MYH14: variants seen among roughly 807,000 people sequenced by gnomAD.
The protein encoded by MYH14 is myosin-14.
Under a neutral mutation model 255.5 loss-of-function variants are expected in MYH14, and 123 were observed. That is an observed-to-expected ratio of 0.48 (90% CI 0.42 to 0.56). The LOEUF (loss-of-function observed/expected upper bound fraction) is 0.56, where lower values mean the gene tolerates loss of function less well. Ranked by LOEUF, MYH14 falls within the 20% of genes least tolerant of loss-of-function variation. The probability of loss-of-function intolerance (pLI) is 0.00; values close to 1 mark genes in which losing one functional copy is unlikely to be tolerated. For synonymous variants in MYH14, 1,095 were observed against 1,161.2 expected, an observed-to-expected ratio of 0.94 and a Z score of 1.16; for missense variants, 2,423 against 2,802.3, an observed-to-expected ratio of 0.86 and a Z score of 3.06.
At chr19:50,207,943 T>C (rs1380209924) in intron 1 of MYH14, among the ~76,000 whole-genome samples, 1 of 152,212 alleles carries the variant, frequency 6.6e-6, no homozygotes, top group Non-Finnish European at 1.5e-5. Context: ...CACTGCTGTC[T>C]GGAATGATTT....
In MYH14 at chr19:50,286,656, G is replaced by A. The variant is rs776291919; in HGVS notation, c.4714G>A (p.Glu1572Lys). ...GAACCGGGCCCTGCGGGCTGAGCTG[G>A]AGGCACTGCTGAGCAGCAAGGATGA... ...RQNRALRAELEALLSSKDDVG... is the reference protein window; with the variant it reads ...RQNRALRAELKALLSSKDDVG... Residue 1572 changes from glutamate (E) to lysine (K), a missense_variant, in exon 34 of 43, where the codon GAG becomes AAG. Physicochemically the swap from Glu to Lys is moderately conservative, Grantham distance 56. Around this residue, in one of 3 missense-constraint regions of MYH14, gnomAD observed 1,513 missense variants for 1,674.8 expected, o/e 0.90. Transcript: ENST00000642316. The A allele has an allele frequency of 2.5e-6, 4 of 1,585,946 alleles. No individual in the cohort carries two copies. The highest frequency in any genetic ancestry group is 3.4e-6 in the Non-Finnish European group (4 of 1,167,078).
intron 10 of MYH14, among the ~76,000 whole-genome samples, chr19:50,237,450 T>G (rs1035671952): frequency 3.9e-5 from 6 of 152,098 alleles, no homozygotes; most frequent in Admixed American, 6.6e-5. Flanking sequence ...CTCAGCCTCC[T>G]GAGTAGCTGG....
Position 50,271,406 on chromosome 19 carries a change from C to T in MYH14, c.3034-3C>T, listed in dbSNP as rs777675951. 1 of 1,599,880 alleles carries T rather than the reference C, an allele frequency of 6.3e-7. No individual in the cohort carries two copies. The highest frequency in any genetic ancestry group is 1.1e-5 in the South Asian group (1 of 88,384). On this transcript the variant is annotated splice_region_variant and splice_polypyrimidine_tract_variant and intron_variant, in intron 24 of 42. Coordinates refer to ENST00000642316, the MANE Select transcript of MYH14 (RefSeq NM_001145809.2). ...CCTCACTCCTCCTGCCTTCCCACCC[C>T]AGGAGCTAGAGGCCCACCTTGAGGC...
At chr19:50,224,308 C>T in intron 6 of MYH14, 131 bp downstream of exon 6, 1 of 1,193,464 alleles carries the variant, frequency 8.4e-7, no homozygotes, top group Non-Finnish European at 1.3e-6. Context: ...TCTGCCCCAC[C>T]ACTGCTATTC....
In MYH14 at chr19:50,263,370, G is replaced by T; in HGVS notation, c.2644G>T (p.Ala882Ser). The T allele has an allele frequency of 6.2e-7, 1 of 1,603,176 alleles. No individual in the cohort carries two copies. The highest frequency in any genetic ancestry group is 8.5e-7 in the Non-Finnish European group (1 of 1,175,112). ...SALRVMQRNC[A>S]AYLKLRHWQW... ...CCTGAGGGTGATGCAGCGGAACTGC[G>T]CGGCCTACCTCAAGCTGAGACACTG... Residue 882 changes from alanine (A) to serine (S), a missense_variant, in exon 22 of 43, where the codon GCG (alanine) becomes TCG (serine). Transcript: ENST00000642316.
rs368866655 is a variant in MYH14 at position 50,234,414 on chromosome 19, T to C, written c.1114+2344T>C. Reference sequence around the variant, plus strand: ...AGGGCCGCCTCTGGGTCTGATTGTCTTCTGGTCTCTGGCGCTGTGGGAGGC... The same window carrying C: ...AGGGCCGCCTCTGGGTCTGATTGTCCTCTGGTCTCTGGCGCTGTGGGAGGC... On this transcript the variant is annotated intron_variant, in intron 10 of 42. Coordinates refer to ENST00000642316, the MANE Select transcript of MYH14 (RefSeq NM_001145809.2). 4.9e-4 allele frequency among the ~76,000 whole-genome samples: 74 copies of C among 152,316 alleles called. 1 individual carries two copies. In the South Asian group the frequency reaches 0.014, roughly 29 times the overall value.
chr19:50,278,149 C>G lies in MYH14; in HGVS notation c.3892C>G (p.Leu1298Val), dbSNP rs762802800. Residue 1298 changes from leucine to valine, a missense_variant, in exon 30 of 43, where the codon CTG becomes GTG. By Grantham distance (32) the Leu-to-Val change is conservative. Around this residue, in one of 3 missense-constraint regions of MYH14, gnomAD observed 1,513 missense variants for 1,674.8 expected, o/e 0.90. Transcript: ENST00000642316. The part of the protein sequence containing the change: ...EAEVSELRAE[L>V]SSLQTARQEG... The stretch of plus-strand genomic sequence containing the variant: ...CGAGGTGTCCGAGCTGCGGGCAGAA[C>G]TGAGCAGCCTGCAGACTGCACGTCA... 3.7e-6 allele frequency: 6 copies of G among 1,610,804 alleles called. No homozygotes were observed. The highest frequency in any genetic ancestry group is 1.7e-5 in the Admixed American group (1 of 59,888).
intron 15 of MYH14, among the ~76,000 whole-genome samples, chr19:50,251,506 TATATATATACACACTACAC>T (rs2034380263): frequency 2.9e-4 from 36 of 125,550 alleles, no homozygotes; most frequent in Middle Eastern, 8.3e-3. Context: ...TATACACACA[TATATATATACACACTACAC>T]ACACACACAC....
intron 3 of MYH14, among the ~76,000 whole-genome samples, chr19:50,220,562 ATT>A (rs893246321): frequency 6.8e-6 from 1 of 147,380 alleles, no homozygotes. Context: ...TATTATGCTT[ATT>A]TTTTTTTTTG....
chr19:50,254,744 T>G (rs1001049235), intron 16 of MYH14, among the ~76,000 whole-genome samples: 5 of 152,184 alleles, frequency 3.3e-5, no homozygotes, highest in Admixed American at 1.3e-4. Context: ...TCGGGGCCAT[T>G]TTTGCCCAAT....
intron 26 of MYH14, 51 bp downstream of exon 26, chr19:50,272,023 C>T (rs913680098): frequency 4.4e-6 from 7 of 1,583,580 alleles, no homozygotes; most frequent in Middle Eastern, 1.8e-4. Flanking sequence ...AATGGGGGAC[C>T]TCAGGCAAGC....
At chr19:50,218,060 G>A (rs761722998) in intron 3 of MYH14, among the ~76,000 whole-genome samples, 1 of 151,948 alleles carries the variant, frequency 6.6e-6, no homozygotes, top group Non-Finnish European at 1.5e-5. Context: ...GCAGTGGCAT[G>A]ATCTTGGCTC....
chr19:50,276,606 C>T lies in MYH14; in HGVS notation c.3681-151C>T. ...GTTCACCCTTAAAGCCACACTCCTT[C>T]CACAGCATCACCACCCAGATCTCCT... On this transcript the variant is annotated intron_variant, in intron 28 of 42. Coordinates refer to ENST00000642316, the MANE Select transcript of MYH14 (RefSeq NM_001145809.2). The surrounding 1 kb of genome is among the most constrained non-coding windows in gnomAD (Gnocchi z 4.3). 1.0e-6 allele frequency: 1 copy of T among 995,300 alleles called. No homozygotes were observed. The highest frequency in any genetic ancestry group is 1.5e-6 in the Non-Finnish European group (1 of 663,804). 61.7% of individuals were successfully genotyped at this position (995,300 alleles called of 1,614,324 possible).
chr19:50,304,057 G>A (rs1256850211), intron 40 of MYH14, among the ~76,000 whole-genome samples: 1 of 152,068 alleles, frequency 6.6e-6, no homozygotes, highest in Non-Finnish European at 1.5e-5. Context: ...TATATATCAG[G>A]TGTTGGACTA....
Position 50,252,491 on chromosome 19 carries a change from G to C in MYH14, c.1831-148G>C. The C allele has an allele frequency of 3.0e-6, 2 of 670,288 alleles. No individual in the cohort carries two copies. The highest frequency in any genetic ancestry group is 3.3e-5 in the South Asian group (2 of 61,320). 41.5% of individuals were successfully genotyped at this position (670,288 alleles called of 1,614,324 possible). On this transcript the variant is annotated intron_variant, in intron 15 of 42. Transcript: ENST00000642316. This position sits in a 1 kb window ranked among gnomAD's most constrained non-coding sequence, Gnocchi z 4.2. Reference sequence around the variant, plus strand: ...GACCATGCTGGTGGGGTGCAGTTCAGAATATGGACACAAGGTGGCACCAGT... The same window carrying C: ...GACCATGCTGGTGGGGTGCAGTTCACAATATGGACACAAGGTGGCACCAGT...
intron 15 of MYH14, among the ~76,000 whole-genome samples, chr19:50,251,236 G>A (rs932725712): frequency 6.6e-6 from 1 of 152,012 alleles, no homozygotes; most frequent in Admixed American, 6.6e-5. Flanking sequence ...TAAAGGGTCC[G>A]ATAGTAAATA....
intron 2 of MYH14, among the ~76,000 whole-genome samples, chr19:50,216,474 C>G (rs141267892): frequency 3.3e-5 from 5 of 152,178 alleles, no homozygotes; most frequent in Non-Finnish European, 5.9e-5. Flanking sequence ...TGGATTGACA[C>G]ACACTTGTGA....
intron 22 of MYH14, among the ~76,000 whole-genome samples, chr19:50,264,862 C>T (rs375405924): frequency 1.3e-5 from 2 of 152,262 alleles, no homozygotes; most frequent in South Asian, 2.1e-4. Context: ...CAAGCCAGGT[C>T]GCCATGCACC....
At chr19:50,220,130 C>G (rs980780082) in intron 3 of MYH14, among the ~76,000 whole-genome samples, 1 of 152,000 alleles carries the variant, frequency 6.6e-6, no homozygotes. Flanking sequence ...CGAAACCCAT[C>G]GGTGCCGCTC....
Sources: allele counts gnomAD v4.1 joint callset (sites outside exome capture counted in the v4.1 genomes callset), GRCh38; gene constraint gnomAD v4.1.1; regional missense constraint gnomAD v4.1.1; non-coding constraint Gnocchi (gnomAD v3.1); transcripts MANE v1.5; gene names NCBI Gene and HGNC (gene_info 2026-07-23, HGNC 2026-07-21).